The following MAMLD1 variants were observed in gnomAD, a reference collection of about 807,000 sequenced individuals.
MAMLD1 encodes the protein mastermind-like domain-containing protein 1.
Under a neutral mutation model 45.0 loss-of-function variants are expected in MAMLD1, and 14 were observed. That is an observed-to-expected ratio of 0.31 (90% confidence interval 0.21 to 0.49). MAMLD1 has a LOEUF of 0.49. Among genes scored for constraint, MAMLD1 ranks in the 20% least tolerant of loss-of-function variants. The probability of loss-of-function intolerance (pLI) is 0.99; values close to 1 mark genes in which losing one functional copy is unlikely to be tolerated. For missense variants in MAMLD1, 543 were observed against 603.6 expected (o/e 0.90, Z 1.05); for synonymous variants, 254 against 247.8 (o/e 1.02, Z -0.24).
rs1557409147 is a variant in MAMLD1, at chrX:150,512,113, A to G, written c.*154A>G. ...GGCTTCTTCAGAACAATCTGAGTCCAGGAATGATCCCACTCACCAGGCACC... is the reference window on the plus strand; with the variant it reads ...GGCTTCTTCAGAACAATCTGAGTCCGGGAATGATCCCACTCACCAGGCACC... On this transcript the variant is annotated 3_prime_UTR_variant, in exon 8 of 8. Transcript: ENST00000370401. 8.7e-7 allele frequency: 1 copy of G among 1,154,130 alleles called. No individual in the cohort carries two copies. The highest frequency in any genetic ancestry group is 1.1e-6 in the Non-Finnish European group (1 of 871,777).
intron 3 of MAMLD1, among the ~76,000 whole-genome samples, chrX:150,466,982 C>T (rs1287415447): frequency 9.1e-6 from 1 of 109,761 alleles, no homozygotes; most frequent in Non-Finnish European, 1.9e-5. Context: ...CCTTCCCTCC[C>T]TTCCTTTCCC....
chrX:150,374,249 C>T (rs1036258721), intron 1 of MAMLD1, among the ~76,000 whole-genome samples: 3 of 112,670 alleles, frequency 2.7e-5, no homozygotes, highest in Non-Finnish European at 5.6e-5. Flanking sequence ...GATCTTTTGT[C>T]ACAGGTTAAG....
At chrX:150,489,804 A>G (rs782463935) in intron 5 of MAMLD1, among the ~76,000 whole-genome samples, 2 of 110,815 alleles carry the variant, frequency 1.8e-5, no homozygotes, top group African/African-American at 3.3e-5. Flanking sequence ...CAAGGAATGT[A>G]CTGGGGGAAA....
intron 1 of MAMLD1, among the ~76,000 whole-genome samples, chrX:150,412,178 T>C (rs1207600225): frequency 9.0e-6 from 1 of 111,301 alleles, no homozygotes; most frequent in African/African-American, 3.3e-5. Context: ...ATGTGAAGGC[T>C]CTGAGACTCG....
At chrX:150,489,524 G>A (rs1557407830) in intron 5 of MAMLD1, among the ~76,000 whole-genome samples, 2 of 108,216 alleles carry the variant, frequency 1.8e-5, no homozygotes, top group Non-Finnish European at 3.8e-5. Flanking sequence ...ATGAATTTGG[G>A]GGGACACAAA....
intron 1 of MAMLD1, among the ~76,000 whole-genome samples, chrX:150,370,683 T>C (rs1192326493): frequency 8.9e-6 from 1 of 111,906 alleles, no homozygotes. Flanking sequence ...CTTATTTCCC[T>C]GCCTCCACCC....
At chrX:150,426,991 C>T (rs782057775) in intron 1 of MAMLD1, among the ~76,000 whole-genome samples, 1 of 112,138 alleles carries the variant, frequency 8.9e-6, no homozygotes, top group South Asian at 3.8e-4. Context: ...GTCAGCAGGG[C>T]CACACTTCCT....
intron 3 of MAMLD1, 138 bp from the exon 4 acceptor site, chrX:150,469,607 C>T: frequency 1.8e-5 from 2 of 112,196 alleles, no homozygotes; most frequent in Non-Finnish European, 3.6e-5. Context: ...ATAAAAATTC[C>T]TCTCTCTCTC....
At chrX:150,468,375 A>G (rs782406390) in intron 3 of MAMLD1, among the ~76,000 whole-genome samples, 57 of 111,430 alleles carry the variant, frequency 5.1e-4, no homozygotes, top group African/African-American at 1.3e-3. Context: ...ACATCAGAGG[A>G]TGAGCACTGT....
intron 1 of MAMLD1, among the ~76,000 whole-genome samples, chrX:150,429,620 A>C (rs5924689): frequency 0.42 from 45,764 of 110,038 alleles, 7,034 homozygotes; most frequent in East Asian, 0.74. Flanking sequence ...TTTATAAGAA[A>C]CATTTTCTAT....
chrX:150,381,464 C>T (rs2032604659), intron 1 of MAMLD1, among the ~76,000 whole-genome samples: 1 of 112,220 alleles, frequency 8.9e-6, no homozygotes, highest in Non-Finnish European at 1.9e-5. Flanking sequence ...AGAAATAGTG[C>T]CATCACCACA....
At chrX:150,509,205 CAGTA>C (rs1262601874) in intron 6 of MAMLD1, 1 of 111,919 alleles carries the variant, frequency 8.9e-6, no homozygotes, top group Non-Finnish European at 1.9e-5. Context: ...GGGAGGTTGG[CAGTA>C]AGTGTTTGGC....
chrX:150,407,440 G>T (rs1447780667), intron 1 of MAMLD1, among the ~76,000 whole-genome samples: 1 of 112,386 alleles, frequency 8.9e-6, no homozygotes, highest in Non-Finnish European at 1.9e-5. Flanking sequence ...TTCAATTAGA[G>T]GTTAGTGAAA....
chrX:150,392,486 T>C (rs1051997759), intron 1 of MAMLD1, among the ~76,000 whole-genome samples: 1 of 111,278 alleles, frequency 9.0e-6, no homozygotes, highest in African/African-American at 3.3e-5. Flanking sequence ...ACTCCCCTCC[T>C]GACCTTCCTT....
chrX:150,480,466 A>G (rs962529526), intron 5 of MAMLD1, among the ~76,000 whole-genome samples: 3 of 111,873 alleles, frequency 2.7e-5, no homozygotes, highest in African/African-American at 9.8e-5. Context: ...GCACCCATCC[A>G]AAGCAGTAAG....
intron 1 of MAMLD1, among the ~76,000 whole-genome samples, chrX:150,398,691 G>A (rs936214362): frequency 9.0e-6 from 1 of 111,684 alleles, no homozygotes; most frequent in African/African-American, 3.3e-5. Flanking sequence ...ATACAAAGCA[G>A]ACTATAGATT....
chrX:150,402,281 C>T (rs1225245544), intron 1 of MAMLD1, among the ~76,000 whole-genome samples: 1 of 108,753 alleles, frequency 9.2e-6, no homozygotes, highest in South Asian at 4.0e-4. Flanking sequence ...AGACACTTCT[C>T]AAAAGAAGAC....
intron 1 of MAMLD1, among the ~76,000 whole-genome samples, chrX:150,389,190 G>A (rs1294143069): frequency 9.0e-6 from 1 of 110,829 alleles, no homozygotes; most frequent in Non-Finnish European, 1.9e-5. Context: ...GGGATTACAG[G>A]CACACACTGC....
chrX:150,403,887 GAAGA>G (rs2033886399), intron 1 of MAMLD1, among the ~76,000 whole-genome samples: 1 of 92,667 alleles, frequency 1.1e-5, no homozygotes, highest in East Asian at 3.5e-4. Flanking sequence ...AGGAAAGAAA[GAAGA>G]AAGAAAAAGA....
Sources: gnomAD v4.1 joint callset for allele counts (sites outside exome capture counted in the v4.1 genomes callset) on GRCh38, gnomAD v4.1.1 for gene constraint, MANE v1.5 for transcripts, NCBI Gene and HGNC (gene_info 2026-07-23, HGNC 2026-07-21) for gene names.